Variants in SOS1 observed in about 807,000 individuals in gnomAD.
SOS1 encodes son of sevenless homolog 1.
SOS1 carries 25 observed loss-of-function variants against 157.6 expected under a neutral mutation model. The observed-to-expected ratio is 0.16, with a 90% CI of 0.12 to 0.22. The LOEUF is 0.22. Ranked by LOEUF, SOS1 falls within the 10% of genes least tolerant of loss-of-function variation. SOS1 has a pLI of 1.00. For synonymous variants in SOS1, 528 were observed against 534.0 expected (o/e 0.99, Z 0.16); for missense variants, 1,237 against 1,599.1 (o/e 0.77, Z 3.86).
chr2:39,092,948 G>A (rs983137252), intron 1 of SOS1, among the ~76,000 whole-genome samples: 1 of 152,080 alleles, frequency 6.6e-6, no homozygotes, highest in African/African-American at 2.4e-5. Flanking sequence ...AAATATCAAA[G>A]TGCTACAATG....
chr2:39,087,531 A>G (rs1672422933), intron 1 of SOS1, among the ~76,000 whole-genome samples: 1 of 152,184 alleles, frequency 6.6e-6, no homozygotes, highest in African/African-American at 2.4e-5. Context: ...AATCAGATCT[A>G]TCTTGGACAT....
At chr2:39,081,143 G>A (rs1292296719) in intron 1 of SOS1, among the ~76,000 whole-genome samples, 1 of 152,004 alleles carries the variant, frequency 6.6e-6, no homozygotes, top group Non-Finnish European at 1.5e-5. Flanking sequence ...AGCCTGGAGT[G>A]GCTGGAGACC....
At position 39,022,767 on chromosome 2, in the gene SOS1, A is replaced by C; in HGVS notation, c.1661T>G (p.Leu554Arg). The C allele has an allele frequency of 1.2e-6, 2 of 1,613,754 alleles. No homozygotes were observed. Among genetic ancestry groups the C allele is most frequent in the Non-Finnish European group, 8.5e-7 (1 of 1,179,740 alleles). The change falls in exon 10 of 23, where the codon CTT becomes CGT. Residue 554 changes from leucine to arginine, a missense_variant. Leu to Arg is a moderately radical substitution (Grantham distance 102, BLOSUM62 -2). Coordinates refer to ENST00000402219, the MANE Select transcript of SOS1 (RefSeq NM_005633.4). ...LQYRSTLERM[L>R]DVTMLQEEKE... ...CTCTTCCTGTAGCATTGTTACATCA[A>C]GCATCCTTTCCAGTGTACTCCGGTA...
At position 39,012,265 on chromosome 2, in the gene SOS1, T is replaced by A. The variant is rs1558468956; in HGVS notation, c.2251A>T (p.Asn751Tyr). The A allele has an allele frequency of 6.2e-7, 1 of 1,613,526 alleles. No homozygotes were observed. Among genetic ancestry groups the A allele is most frequent in the Non-Finnish European group, 8.5e-7 (1 of 1,179,552 alleles). ...GGAGGTGAACTCTGAAATGTAATATTATGACCTGGTCCATTGTCTCTTGCA... is the reference window on the plus strand; with the variant it reads ...GGAGGTGAACTCTGAAATGTAATATAATGACCTGGTCCATTGTCTCTTGCA... ...KIARDNGPGH[N>Y]ITFQSSPPTV... Residue 751 changes from asparagine to tyrosine, a missense_variant, in exon 14 of 23, where the codon AAT becomes TAT. This residue lies in a region of SOS1 where 39 missense variants were observed against 40.5 expected (regional missense o/e 0.96). Coordinates refer to ENST00000402219, the MANE Select transcript of SOS1 (RefSeq NM_005633.4).
chr2:39,123,054 G>A (rs576047860), upstream of SOS1, among the ~76,000 whole-genome samples: 12 of 152,090 alleles, frequency 7.9e-5, no homozygotes, highest in South Asian at 2.5e-3. Context: ...TCACAACCTC[G>A]CCTCACCACA....
intron 17 of SOS1, among the ~76,000 whole-genome samples, chr2:39,003,205 T>A (rs538206769): frequency 6.6e-6 from 1 of 151,994 alleles, no homozygotes; most frequent in South Asian, 2.1e-4. Flanking sequence ...TTAAAGCAAG[T>A]AAGTGAAAAC....
At chr2:39,101,790 A>G (rs1268872261) in intron 1 of SOS1, among the ~76,000 whole-genome samples, 2 of 152,222 alleles carry the variant, frequency 1.3e-5, no homozygotes, top group African/African-American at 4.8e-5. Flanking sequence ...AATGTACTCC[A>G]GGTAACACCA....
At chr2:39,010,562 T>A (rs746976322) in intron 15 of SOS1, 22 bp downstream of exon 15, 1 of 1,603,500 alleles carries the variant, frequency 6.2e-7, no homozygotes. Context: ...CTATAAAATA[T>A]AAGAATGCTA....
chr2:39,042,822 T>C (rs1670621346), intron 6 of SOS1, among the ~76,000 whole-genome samples: 1 of 151,978 alleles, frequency 6.6e-6, no homozygotes, highest in Admixed American at 6.6e-5. Context: ...TTTAAAAATA[T>C]TATATATTCA....
chr2:39,102,822 G>C (rs556873776), intron 1 of SOS1, among the ~76,000 whole-genome samples: 1 of 152,192 alleles, frequency 6.6e-6, no homozygotes, highest in South Asian at 2.1e-4. Context: ...TGGTGTGGTG[G>C]CATGCACCTG....
At chr2:39,095,313 C>T (rs1271967567) in intron 1 of SOS1, among the ~76,000 whole-genome samples, 1 of 152,146 alleles carries the variant, frequency 6.6e-6, no homozygotes, top group Non-Finnish European at 1.5e-5. Flanking sequence ...CTAGAGACTC[C>T]AGTTTGAGAA....
Position 39,012,190 on chromosome 2 carries a change from G to C in SOS1, c.2326C>G (p.Leu776Val). 1 of 1,613,758 alleles carries C rather than the reference G, an allele frequency of 6.2e-7. No individual in the cohort carries two copies. Among genetic ancestry groups the C allele is most frequent in the Non-Finnish European group, 8.5e-7 (1 of 1,179,750 alleles). Residue 776 changes from leucine (L) to valine (V), a missense_variant, in exon 14 of 23, where the codon CTG becomes GTG. By Grantham distance (32) the Leu-to-Val change is conservative (BLOSUM62 1). Coordinates refer to ENST00000402219, the MANE Select transcript of SOS1 (RefSeq NM_005633.4). Reference protein sequence around the residue: ...SRPGHIETFDLLTLHPIEIAR... With the variant: ...SRPGHIETFDVLTLHPIEIAR... ...ATTTCTATTGGGTGTAAGGTGAGCA[G>C]GTCAAAAGTCTCTATGTGCCCAGGT...
intron 2 of SOS1, among the ~76,000 whole-genome samples, chr2:39,060,631 G>T (rs1258553291): frequency 6.6e-6 from 1 of 152,122 alleles, no homozygotes; most frequent in Non-Finnish European, 1.5e-5. Flanking sequence ...CCCCATGTTG[G>T]CCAGGCTGGT....
At position 39,106,614 on chromosome 2, in the gene SOS1, C is replaced by CAAAAAAAA. The variant is rs1402051547; in HGVS notation, c.87+13721_87+13722insTTTTTTTT. Among the ~76,000 whole-genome samples, 205 of 107,900 alleles carry CAAAAAAAA rather than the reference C, an allele frequency of 1.9e-3. 12 individuals are homozygous for CAAAAAAAA. The highest frequency in any genetic ancestry group is 6.9e-3 in the African/African-American group (188 of 27,328). 70.8% of individuals were successfully genotyped at this position (107,900 alleles called of 152,430 possible). A position where few individuals can be genotyped will look rare whatever the true frequency, so the allele number is the denominator to read the frequency against. On this transcript the variant is annotated intron_variant, in intron 1 of 22. Coordinates refer to ENST00000402219, the MANE Select transcript of SOS1 (RefSeq NM_005633.4). The stretch of plus-strand genomic sequence containing the variant: ...TCAAAAAAAAAAACAAAAAAAAAAA[C>CAAAAAAAA]AAAACATCTGAGTAATTCAGGGTCC...
At chr2:39,122,383 T>TG (rs1386805939), upstream of SOS1, among the ~76,000 whole-genome samples, 1 of 151,254 alleles carries the variant, frequency 6.6e-6, no homozygotes, top group Non-Finnish European at 1.5e-5. Context: ...TGAGCCGGGA[T>TG]CATGCCACTG....
At chr2:39,006,647 A>C (rs1669291366) in intron 16 of SOS1, 118 bp from the exon 17 acceptor site, 5 of 719,940 alleles carry the variant, frequency 6.9e-6, no homozygotes, top group Non-Finnish European at 1.2e-5. Flanking sequence ...TTATGACTGT[A>C]ACATTGCTTC....
chr2:39,109,911 A>G lies in SOS1; in HGVS notation c.87+10425T>C, dbSNP rs1471967275. Among the ~76,000 whole-genome samples the G allele has an allele frequency of 4.6e-5, 7 of 152,230 alleles. No homozygotes were observed. The East Asian group carries it at 1.2e-3, about 25-fold the overall frequency. On this transcript the variant is annotated intron_variant, in intron 1 of 22. Coordinates refer to ENST00000402219, the MANE Select transcript of SOS1 (RefSeq NM_005633.4). ...ACTAAAACATAGCTTTTAAAAGAAC[A>G]AAATTGGAGTATTACACTACCTAAC...
rs1283357831 is a variant in SOS1 at position 39,054,586 on chromosome 2, T to C, written c.720+28A>G. The C allele has an allele frequency of 2.4e-6, 3 of 1,257,688 alleles. No homozygotes were observed. In the African/African-American group the frequency reaches 4.4e-5, roughly 18 times the overall value. The allele number at this position is 1,257,688 out of a possible 1,614,324, so 77.9% of individuals were successfully genotyped here. On this transcript the variant is annotated intron_variant, in intron 5 of 22. Transcript: ENST00000402219. The stretch of plus-strand genomic sequence containing the variant: ...CATGCAAATTTCACAACACATTCAA[T>C]GAGAGGCATATATACAATGATACTT...
At chr2:38,991,265 C>G (rs1214967887) in intron 20 of SOS1, among the ~76,000 whole-genome samples, 1 of 151,674 alleles carries the variant, frequency 6.6e-6, no homozygotes, top group African/African-American at 2.4e-5. Context: ...CTTAAACTCA[C>G]AAAAGCCTGG....
Sources: allele counts gnomAD v4.1 joint callset (sites outside exome capture counted in the v4.1 genomes callset), GRCh38; gene constraint gnomAD v4.1.1; regional missense constraint gnomAD v4.1.1; transcripts MANE v1.5; gene names NCBI Gene and HGNC (gene_info 2026-07-23, HGNC 2026-07-21).